The following PSMB1 variants were observed in gnomAD, a reference collection of about 807,000 sequenced individuals.
The protein encoded by PSMB1 is proteasome subunit beta type-1.
PSMB1 carries 7 observed loss-of-function variants against 25.4 expected under a neutral mutation model. That is an observed-to-expected ratio of 0.28 (90% CI 0.16 to 0.52). The LOEUF is 0.52. Among genes scored for constraint, PSMB1 ranks in the 20% least tolerant of loss-of-function variants. The pLI, the probability that PSMB1 is intolerant of heterozygous loss-of-function variation, is 0.97. For synonymous variants in PSMB1, 119 were observed against 115.0 expected, an observed-to-expected ratio of 1.03 and a Z score of -0.22; for missense variants, 284 against 302.2, an observed-to-expected ratio of 0.94 and a Z score of 0.45.
intron 1 of PSMB1, among the ~76,000 whole-genome samples, chr6:170,552,145 C>T (rs1778911872): frequency 6.6e-6 from 1 of 152,216 alleles, no homozygotes; most frequent in African/African-American, 2.4e-5. Context: ...AACTCCTGGC[C>T]TCAAGCGATG....
chr6:170,550,286 T>A (rs879587572), intron 1 of PSMB1: 2 of 152,222 alleles, frequency 1.3e-5, no homozygotes, highest in African/African-American at 2.4e-5. Context: ...GTACATACAT[T>A]CAAGCAACTC....
chr6:170,535,502 G>T, intron 5 of PSMB1, 97 bp from the exon 6 acceptor site: 1 of 1,076,896 alleles, frequency 9.3e-7, no homozygotes, highest in Non-Finnish European at 1.3e-6. Context: ...ACGAGGATTT[G>T]TGATGAAAAT....
At position 170,553,175 on chromosome 6, in the gene PSMB1, G is replaced by C; in HGVS notation, c.68C>G (p.Ala23Gly). Residue 23 changes from alanine (A) to glycine (G), a missense_variant, in exon 1 of 6, where the codon GCG becomes GGG. By Grantham distance (60) the Ala-to-Gly change is moderately conservative. Transcript: ENST00000262193. ...CGAAAATCGCAGCTGCAAAGGGCCC[G>C]CGGCTCTGTGCGGTTCCATCCCCAA... ...RDLGMEPHRA[A>G]GPLQLRFSPY... 1 of 1,613,822 alleles carries C rather than the reference G, an allele frequency of 6.2e-7. No homozygotes were observed. The highest frequency in any genetic ancestry group is 8.5e-7 in the Non-Finnish European group (1 of 1,179,900).
intron 5 of PSMB1, 126 bp from the exon 6 acceptor site, chr6:170,535,531 G>A: frequency 1.2e-6 from 1 of 822,130 alleles, no homozygotes; most frequent in Non-Finnish European, 1.9e-6. Flanking sequence ...AAATTAAAAT[G>A]TCCTTCAGAC....
intron 3 of PSMB1, 24 bp downstream of exon 3, chr6:170,546,079 G>A (rs1477616427): frequency 1.3e-6 from 2 of 1,582,910 alleles, no homozygotes; most frequent in Non-Finnish European, 8.7e-7. Flanking sequence ...TTAAAATAGT[G>A]TAGAAATGTA....
At chr6:170,550,362 C>G (rs528950852) in intron 1 of PSMB1, 31 of 152,272 alleles carry the variant, frequency 2.0e-4, no homozygotes, top group African/African-American at 6.7e-4. Context: ...GGACAGGGTT[C>G]CTACTGTAGA....
intron 5 of PSMB1, among the ~76,000 whole-genome samples, chr6:170,535,679 C>T (rs1026567849): frequency 6.6e-6 from 1 of 152,092 alleles, no homozygotes; most frequent in African/African-American, 2.4e-5. Flanking sequence ...CAGAGAATTG[C>T]TATAACTAAG....
intron 1 of PSMB1, among the ~76,000 whole-genome samples, chr6:170,552,588 CA>C (rs1018264317): frequency 1.3e-5 from 2 of 151,708 alleles, no homozygotes; most frequent in African/African-American, 4.8e-5. Context: ...TGAAATAAAA[CA>C]AAATGATTAA....
intron 2 of PSMB1, among the ~76,000 whole-genome samples, chr6:170,548,573 G>C (rs1016202626): frequency 3.3e-5 from 5 of 152,126 alleles, no homozygotes; most frequent in African/African-American, 1.2e-4. Flanking sequence ...GCTGTGGTTT[G>C]AATATTCCCT....
chr6:170,541,294 T>C (rs569605078), intron 4 of PSMB1, among the ~76,000 whole-genome samples: 1 of 151,966 alleles, frequency 6.6e-6, no homozygotes, highest in South Asian at 2.1e-4. Context: ...CTGAGCCAAT[T>C]AGAGATAGTT....
intron 2 of PSMB1, among the ~76,000 whole-genome samples, chr6:170,548,192 G>A (rs966980704): frequency 3.9e-5 from 6 of 152,138 alleles, no homozygotes; most frequent in East Asian, 3.9e-4. Flanking sequence ...GAAAGACAAC[G>A]TATCTTTTCT....
chr6:170,537,585 G>GT (rs1365913959), intron 4 of PSMB1, among the ~76,000 whole-genome samples: 2 of 152,132 alleles, frequency 1.3e-5, no homozygotes, highest in Admixed American at 6.5e-5. Flanking sequence ...CCCAATCCCC[G>GT]TGTTGGTGTG....
chr6:170,536,778 T>G, intron 5 of PSMB1, among the ~76,000 whole-genome samples: 1 of 152,096 alleles, frequency 6.6e-6, no homozygotes, highest in Admixed American at 6.5e-5. Context: ...TTTCTTGGAG[T>G]CGAAAGTTAT....
In PSMB1 at chr6:170,549,049, C is replaced by T. The variant is rs1778858434; in HGVS notation, c.178G>A (p.Gly60Arg). The T allele has an allele frequency of 2.5e-6, 4 of 1,613,814 alleles. No individual in the cohort carries two copies. Among genetic ancestry groups the T allele is most frequent in the Non-Finnish European group, 3.4e-6 (4 of 1,179,804 alleles). The change falls in exon 2 of 6, where the codon GGG becomes AGG. Residue 60 changes from glycine (G) to arginine (R), a missense_variant. By Grantham distance (125) the Gly-to-Arg change is moderately radical. Coordinates refer to ENST00000262193, the MANE Select transcript of PSMB1 (RefSeq NM_002793.4). ...IVASDTRLSE[G>R]FSIHTRDSPK... ...CTATCCCGCGTATGAATTGAAAACC[C>T]TTCACTCAATCGAGTATCAGAAGCA...
At chr6:170,548,381 C>G (rs534630522) in intron 2 of PSMB1, among the ~76,000 whole-genome samples, 1 of 152,196 alleles carries the variant, frequency 6.6e-6, no homozygotes, top group Non-Finnish European at 1.5e-5. Context: ...AGTATTTATG[C>G]AGGCTTTTTG....
rs1232507371 is a variant in PSMB1 at position 170,535,237 on chromosome 6, A to G, written c.709T>C (p.Ser237Pro). 1.5e-5 allele frequency: 24 copies of G among 1,613,996 alleles called. No individual in the cohort carries two copies. Among genetic ancestry groups the G allele is most frequent in the Non-Finnish European group, 1.9e-5 (22 of 1,179,996 alleles). ...TKEGIREETV[S>P]LRKD The stretch of plus-strand genomic sequence containing the variant: ...CACACAGATCAGTCCTTCCTTAAGG[A>G]AACAGTTTCCTCCCTGATGCCCTCT... The change falls in exon 6 of 6, where the codon TCC becomes CCC. Residue 237 changes from serine (S) to proline (P), a missense_variant. By Grantham distance (74) the Ser-to-Pro change is moderately conservative. Coordinates refer to ENST00000262193, the MANE Select transcript of PSMB1 (RefSeq NM_002793.4).
intron 3 of PSMB1, among the ~76,000 whole-genome samples, chr6:170,544,849 T>G (rs1034196213): frequency 6.6e-6 from 1 of 151,958 alleles, no homozygotes; most frequent in African/African-American, 2.4e-5. Context: ...CTATAAAAAA[T>G]TATTCATAGG....
At position 170,549,131 on chromosome 6, in the gene PSMB1, AAATT is replaced by A; in HGVS notation, c.114-22_114-19del. 1 of 1,475,010 alleles carries A rather than the reference AAATT, an allele frequency of 6.8e-7. No homozygotes were observed. The highest frequency in any genetic ancestry group is 1.1e-5 in the South Asian group (1 of 87,882). The allele number at this position is 1,475,010 out of a possible 1,614,324, so 91.4% of individuals were successfully genotyped here. On this transcript the variant is annotated intron_variant, in intron 1 of 5. Transcript: ENST00000262193. ...GTATAGTACTGAGGAAAAAAGAAAAAAATTAATTCTCCAGGGTGGTAATCCTATC... is the reference window on the plus strand; with the variant it reads ...GTATAGTACTGAGGAAAAAAGAAAAAAATTCTCCAGGGTGGTAATCCTATC...
intron 1 of PSMB1, among the ~76,000 whole-genome samples, chr6:170,552,846 T>C (rs534645579): frequency 3.3e-4 from 50 of 152,318 alleles, no homozygotes; most frequent in Non-Finnish European, 6.2e-4. Flanking sequence ...GAGCACGGAG[T>C]GGCGGTCCAC....
Sources: allele counts gnomAD v4.1 joint callset (sites outside exome capture counted in the v4.1 genomes callset), GRCh38; gene constraint gnomAD v4.1.1; transcripts MANE v1.5; gene names NCBI Gene and HGNC (gene_info 2026-07-23, HGNC 2026-07-21).